The following PAK5 variants were observed in gnomAD, a reference collection of about 807,000 sequenced individuals.
The protein encoded by PAK5 is serine/threonine-protein kinase PAK 5.
In PAK5, 16 loss-of-function variants were observed where a neutral mutation model predicts 65.9. The ratio of observed to expected loss-of-function variants is 0.24; its 90% CI spans 0.16 to 0.37. PAK5 has a LOEUF of 0.37. Ranked by LOEUF, PAK5 falls within the 10% of genes least tolerant of loss-of-function variation. The pLI is 1.00. For synonymous variants in PAK5, 371 were observed against 354.9 expected, an observed-to-expected ratio of 1.05 and a Z score of -0.51; for missense variants, 785 against 903.9, an observed-to-expected ratio of 0.87 and a Z score of 1.69.
chr20:9,742,921 A>G (rs1203993331), intron 1 of PAK5, among the ~76,000 whole-genome samples: 2 of 152,224 alleles, frequency 1.3e-5, no homozygotes, highest in African/African-American at 4.8e-5. Context: ...GGATTTACTA[A>G]CAGGACGATA....
chr20:9,720,750 A>G (rs900804552), intron 1 of PAK5, among the ~76,000 whole-genome samples: 3 of 152,198 alleles, frequency 2.0e-5, no homozygotes, highest in Admixed American at 6.5e-5. Context: ...CAGTATATCC[A>G]ATCAGTCGGA....
chr20:9,566,014 T>G lies in PAK5; in HGVS notation c.1361A>C (p.Lys454Thr), dbSNP rs1363005842. 1.2e-6 allele frequency: 2 copies of G among 1,613,476 alleles called. No homozygotes were observed. Among genetic ancestry groups the G allele is most frequent in the Non-Finnish European group, 1.7e-6 (2 of 1,179,844 alleles). Reference sequence around the variant, plus strand: ...GATGCCGGTTGAGCCTTCCCCGATTTTGATAAAGTTGGCCAAGTATTCCCT... The same window carrying G: ...GATGCCGGTTGAGCCTTCCCCGATTGTGATAAAGTTGGCCAAGTATTCCCT... ...DPREYLANFIKIGEGSTGIVC... is the reference protein window; with the variant it reads ...DPREYLANFITIGEGSTGIVC... The change falls in exon 5 of 10, where the codon AAA (lysine) becomes ACA (threonine). Residue 454 changes from lysine to threonine, a missense_variant. Physicochemically the swap from Lys to Thr is moderately conservative, Grantham distance 78 (BLOSUM62 -1). This residue lies in a region of PAK5 where 182 missense variants were observed against 273.0 expected (regional missense o/e 0.67). Transcript: ENST00000353224.
intron 3 of PAK5, among the ~76,000 whole-genome samples, chr20:9,638,798 A>T (rs904587566): frequency 1.3e-5 from 2 of 152,182 alleles, no homozygotes; most frequent in Non-Finnish European, 2.9e-5. Flanking sequence ...AATCCTAACT[A>T]ATCAAGGAAG....
At chr20:9,673,944 G>T in intron 2 of PAK5, among the ~76,000 whole-genome samples, 1 of 152,156 alleles carries the variant, frequency 6.6e-6, no homozygotes, top group East Asian at 1.9e-4. Context: ...GGTGAGAAAA[G>T]TTAAACTGGG....
At chr20:9,648,879 C>A (rs369864072) in intron 2 of PAK5, among the ~76,000 whole-genome samples, 31 of 152,274 alleles carry the variant, frequency 2.0e-4, no homozygotes, top group African/African-American at 7.0e-4. Flanking sequence ...TGTCATGTCT[C>A]TCCATAAAGG....
chr20:9,552,409 T>G (rs1319074722), intron 7 of PAK5, among the ~76,000 whole-genome samples: 1 of 152,234 alleles, frequency 6.6e-6, no homozygotes, highest in Admixed American at 6.5e-5. Flanking sequence ...AAATGCCTTC[T>G]GACTTAGCAT....
intron 2 of PAK5, among the ~76,000 whole-genome samples, chr20:9,651,657 G>A (rs1292666865): frequency 1.3e-5 from 2 of 152,086 alleles, no homozygotes; most frequent in East Asian, 1.9e-4. Flanking sequence ...AATAATAATA[G>A]TAATAAAAGA....
At chr20:9,811,512 G>A (rs893765153) in intron 1 of PAK5, among the ~76,000 whole-genome samples, 1 of 152,124 alleles carries the variant, frequency 6.6e-6, no homozygotes, top group Non-Finnish European at 1.5e-5. Flanking sequence ...GGGAGAAGTG[G>A]CACTATGACC....
chr20:9,554,121 G>A lies in PAK5; in HGVS notation c.1743+3487C>T, dbSNP rs2045471478. 2.6e-5 allele frequency among the ~76,000 whole-genome samples: 4 copies of A among 152,184 alleles called. No homozygotes were observed. In the South Asian group the frequency reaches 8.3e-4, roughly 32 times the overall value. ...AGGAAGAGAACCCAATATCTCTTGT[G>A]TGGCAGACAGTATTTTCCAAAAATG... On this transcript the variant is annotated intron_variant, in intron 7 of 9. Coordinates refer to ENST00000353224, the MANE Select transcript of PAK5 (RefSeq NM_177990.4).
chr20:9,716,904 C>G (rs1201958651), intron 1 of PAK5, among the ~76,000 whole-genome samples: 4 of 151,850 alleles, frequency 2.6e-5, no homozygotes, highest in Non-Finnish European at 5.9e-5. Flanking sequence ...AGCAACATGG[C>G]GAAACCCCGT....
At chr20:9,609,027 C>T (rs1384054209) in intron 3 of PAK5, among the ~76,000 whole-genome samples, 6 of 152,180 alleles carry the variant, frequency 3.9e-5, no homozygotes, top group African/African-American at 4.8e-5. Context: ...TACTTATTGT[C>T]GGGAACATAT....
chr20:9,618,261 T>C lies in PAK5; in HGVS notation c.204+25864A>G, dbSNP rs374116900. Among the ~76,000 whole-genome samples, 18 of 152,002 alleles carry C rather than the reference T, an allele frequency of 1.2e-4. 1 individual carries two copies. The South Asian group carries it at 1.7e-3, about 14-fold the overall frequency. ...CCAAAGAGTCAGGTACCCCCCCAAG[T>C]TTTAACCCCTCTAAATTATAATCAA... On this transcript the variant is annotated intron_variant, in intron 3 of 9. Transcript: ENST00000353224.
intron 1 of PAK5, among the ~76,000 whole-genome samples, chr20:9,739,673 G>C (rs1259526425): frequency 6.6e-6 from 1 of 152,134 alleles, no homozygotes; most frequent in East Asian, 1.9e-4. Flanking sequence ...TTAGTGACCT[G>C]AGTGTGACTG....
intron 3 of PAK5, among the ~76,000 whole-genome samples, chr20:9,640,564 T>C (rs1016452548): frequency 2.6e-5 from 4 of 152,196 alleles, no homozygotes; most frequent in African/African-American, 9.7e-5. Context: ...TATAATCCTT[T>C]TGTGTCCAGA....
chr20:9,733,875 A>G (rs1207517316), intron 1 of PAK5, among the ~76,000 whole-genome samples: 2 of 152,234 alleles, frequency 1.3e-5, no homozygotes, highest in African/African-American at 2.4e-5. Context: ...GCTCAGAAGC[A>G]TACCACTACG....
At position 9,671,355 on chromosome 20, in the gene PAK5, T is replaced by C. The variant is rs1252277705; in HGVS notation, c.-11-27016A>G. The stretch of plus-strand genomic sequence containing the variant: ...TGAGGATGGCATTGAATCTATAAAT[T>C]ACCTTGGGCAGTATGGCCATTTTCA... On this transcript the variant is annotated intron_variant, in intron 2 of 9. Transcript: ENST00000353224. Among the ~76,000 whole-genome samples, 6 of 152,196 alleles carry C rather than the reference T, an allele frequency of 3.9e-5. No individual in the cohort carries two copies. In the East Asian group the frequency reaches 9.6e-4, roughly 24 times the overall value.
At chr20:9,832,455 T>G (rs879465658) in intron 1 of PAK5, among the ~76,000 whole-genome samples, 1 of 152,244 alleles carries the variant, frequency 6.6e-6, no homozygotes, top group Middle Eastern at 3.4e-3. Context: ...TGTATTTTAG[T>G]AGAGATGGGG....
chr20:9,557,446 A>G (rs1351745922), intron 7 of PAK5, among the ~76,000 whole-genome samples, 162 bp downstream of exon 7: 1 of 152,210 alleles, frequency 6.6e-6, no homozygotes, highest in Non-Finnish European at 1.5e-5. Context: ...GACACAGAGG[A>G]AGGGATGGTA....
At chr20:9,712,992 G>T (rs1478022750) in intron 1 of PAK5, among the ~76,000 whole-genome samples, 1 of 151,798 alleles carries the variant, frequency 6.6e-6, no homozygotes, top group Non-Finnish European at 1.5e-5. Context: ...AAAAGAATAG[G>T]CAAAAAAACC....
Sources: allele counts gnomAD v4.1 joint callset (sites outside exome capture counted in the v4.1 genomes callset), GRCh38; gene constraint gnomAD v4.1.1; regional missense constraint gnomAD v4.1.1; transcripts MANE v1.5; gene names NCBI Gene and HGNC (gene_info 2026-07-23, HGNC 2026-07-21).